CDK20: variants seen among roughly 807,000 people sequenced by gnomAD.
CDK20 encodes the protein cyclin-dependent kinase 20.
A neutral mutation model predicts 38.6 loss-of-function variants in CDK20; 40 were observed. The observed-to-expected ratio is 1.04, with a 90% CI of 0.81 to 1.35. The LOEUF (loss-of-function observed/expected upper bound fraction) is 1.35. CDK20 is among the 40% of genes most tolerant of loss of function. The pLI is 0.00. For missense variants in CDK20, 512 were observed against 452.6 expected, an observed-to-expected ratio of 1.13 and a Z score of -1.19; for synonymous variants, 209 against 185.7, an observed-to-expected ratio of 1.13 and a Z score of -1.02.
At chr9:87,973,036 A>C (rs1587628405) in intron 2 of CDK20, among the ~76,000 whole-genome samples, 1 of 152,316 alleles carries the variant, frequency 6.6e-6, no homozygotes, top group South Asian at 2.1e-4. Flanking sequence ...GGCACACACA[A>C]ATACACATTC....
In CDK20 at chr9:87,969,849, G is replaced by A. The variant is rs753715827; in HGVS notation, c.634C>T (p.Gln212Ter). 10 of 1,611,606 alleles carry A rather than the reference G, an allele frequency of 6.2e-6. No homozygotes were observed. The highest frequency in any genetic ancestry group is 1.7e-5 in the Admixed American group (1 of 59,656). The change falls in exon 6 of 8, where the codon CAG (glutamine) becomes TAG (stop). Residue 212 changes from glutamine (Q) to a stop codon, truncating the protein, a stop_gained. Coordinates refer to ENST00000325303, the MANE Select transcript of CDK20 (RefSeq NM_001039803.3). LOFTEE classifies it high-confidence loss of function. Reference protein sequence around the residue: ...PLFPGKNDIEQLCYVLRILGT... With the variant: ...PLFPGKNDIE ...AAGATGCGAAGCACATAGCAAAGCT[G>A]TTCAATATCGTTCTTGCCCGGGAAA...
At position 87,970,835 on chromosome 9, in the gene CDK20, G is replaced by A; in HGVS notation, c.441C>T (p.Gly147=). Reference sequence around the variant, plus strand: ...CGTCTGGGGAAAAGACTCGAGCCAGGCCAAAGTCCGCTATCTTGAGCTGGC... The same window carrying A: ...CGTCTGGGGAAAAGACTCGAGCCAGACCAAAGTCCGCTATCTTGAGCTGGC... ...ASGQLKIADF[G]LARVFSPDGS... is the part of the protein sequence containing the mutation. The change falls in exon 4 of 8, where the codon GGC becomes GGT. Residue 147 remains glycine (G), a synonymous_variant. Transcript: ENST00000325303. The A allele has an allele frequency of 1.2e-6, 2 of 1,614,200 alleles. No homozygotes were observed. The highest frequency in any genetic ancestry group is 1.7e-6 in the Non-Finnish European group (2 of 1,180,040).
At position 87,969,320 on chromosome 9, in the gene CDK20, C is replaced by T. The variant is rs753853722; in HGVS notation, c.717G>A (p.Lys239=). Residue 239 remains lysine (K), a synonymous_variant, in exon 7 of 8, where the codon AAG becomes AAA. Coordinates refer to ENST00000325303, the MANE Select transcript of CDK20 (RefSeq NM_001039803.3). ...PELTELPDYN[K]ISFKEQVPMP... ...TGGGCACCTGCTCCTTAAAGGAGATCTTGTTGTAGTCCGGCAGCTCAGTGA... is the reference window on the plus strand; with the variant it reads ...TGGGCACCTGCTCCTTAAAGGAGATTTTGTTGTAGTCCGGCAGCTCAGTGA... The T allele has an allele frequency of 2.4e-5, 39 of 1,613,904 alleles. No homozygotes were observed. Among genetic ancestry groups the T allele is most frequent in the Non-Finnish European group, 3.1e-5 (36 of 1,179,986 alleles).
chr9:87,969,693 G>T (rs942206648), intron 6 of CDK20, 103 bp downstream of exon 6: 4 of 1,538,024 alleles, frequency 2.6e-6, no homozygotes, highest in Non-Finnish European at 3.5e-6. Context: ...ATCAAGGGGG[G>T]TTGGGGCCAG....
In CDK20 at chr9:87,967,282, C is replaced by A. The variant is rs543977316; in HGVS notation, c.*180G>T. The stretch of plus-strand genomic sequence containing the variant: ...CTGCTCGACTGGATGTTCTCATACT[C>A]TTGGCTGGGAACATGACCTCTGCCT... On this transcript the variant is annotated 3_prime_UTR_variant, in exon 8 of 8. Transcript: ENST00000325303. 2 of 718,016 alleles carry A rather than the reference C, an allele frequency of 2.8e-6. No individual in the cohort carries two copies. The highest frequency in any genetic ancestry group is 2.5e-6 in the Non-Finnish European group (1 of 398,026). The allele number at this position is 718,016 out of a possible 1,614,324, so 44.5% of individuals were successfully genotyped here. A position where few individuals can be genotyped will look rare whatever the true frequency, so the allele number is the denominator to read the frequency against.
intron 7 of CDK20, 153 bp downstream of exon 7, chr9:87,969,041 G>T: frequency 2.4e-6 from 2 of 846,634 alleles, no homozygotes; most frequent in Non-Finnish European, 1.8e-6. Flanking sequence ...CAAGGCCCCT[G>T]TCCCCTGGGT....
chr9:87,969,294 A>G lies in CDK20; in HGVS notation c.743T>C (p.Met248Thr), dbSNP rs1279989830. The G allele has an allele frequency of 5.6e-6, 9 of 1,613,940 alleles. No individual in the cohort carries two copies. The highest frequency in any genetic ancestry group is 4.5e-5 in the East Asian group (2 of 44,884). ...NKISFKEQVP[M>T]PLEEVLPDVS... is the part of the protein sequence containing the mutation. Reference sequence around the variant, plus strand: ...GTCAGGCAGCACCTCCTCCAGGGGCATGGGCACCTGCTCCTTAAAGGAGAT... The same window carrying G: ...GTCAGGCAGCACCTCCTCCAGGGGCGTGGGCACCTGCTCCTTAAAGGAGAT... Residue 248 changes from methionine (M) to threonine (T), a missense_variant, in exon 7 of 8, where the codon ATG becomes ACG. Physicochemically the swap from Met to Thr is moderately conservative, Grantham distance 81 (BLOSUM62 -1). Coordinates refer to ENST00000325303, the MANE Select transcript of CDK20 (RefSeq NM_001039803.3).
intron 2 of CDK20, among the ~76,000 whole-genome samples, chr9:87,973,258 C>T (rs987031932): frequency 1.3e-5 from 2 of 152,174 alleles, no homozygotes; most frequent in Non-Finnish European, 2.9e-5. Flanking sequence ...CTTCGTGTTC[C>T]AGCAGCCCCT....
Position 87,970,775 on chromosome 9 carries a change from C to T in CDK20, c.500+1G>A, listed in dbSNP as rs762456005. On this transcript the variant is annotated splice_donor_variant, in intron 4 of 7. Transcript: ENST00000325303. LOFTEE classifies it high-confidence loss of function. ...ACTGGAAGGGATCTGGCCCTCCCTA[C>T]CTGGTGGCCACCTGGTGTGTGTAGA... 18 of 1,614,022 alleles carry T rather than the reference C, an allele frequency of 1.1e-5. No individual in the cohort carries two copies. Among genetic ancestry groups the T allele is most frequent in the Non-Finnish European group, 7.6e-6 (9 of 1,180,004 alleles).
intron 2 of CDK20, among the ~76,000 whole-genome samples, chr9:87,973,135 T>C (rs1013369042): frequency 1.3e-5 from 2 of 152,172 alleles, no homozygotes; most frequent in Non-Finnish European, 2.9e-5. Context: ...TATCTCCAGA[T>C]CACAGAGACC....
chr9:87,974,341 CG>C, intron 1 of CDK20, 30 bp downstream of exon 1: 1 of 1,605,714 alleles, frequency 6.2e-7, no homozygotes, highest in Non-Finnish European at 8.5e-7. Context: ...GGCACACCCC[CG>C]CCAGGCTGCC....
At position 87,966,919 on chromosome 9, in the gene CDK20, C is replaced by A; in HGVS notation, c.*543G>T. ...AACGAGAGCCATGAGACAATGCCAC[C>A]TTAGCCATTTCCCTTGAGAGAAATG... On this transcript the variant is annotated 3_prime_UTR_variant, in exon 8 of 8. Coordinates refer to ENST00000325303, the MANE Select transcript of CDK20 (RefSeq NM_001039803.3). 1 of 397,054 alleles carries A rather than the reference C, an allele frequency of 2.5e-6. No homozygotes were observed. Among genetic ancestry groups the A allele is most frequent in the Non-Finnish European group, 5.1e-6 (1 of 197,210 alleles). The allele number at this position is 397,054 out of a possible 1,614,324, so 24.6% of individuals were successfully genotyped here.
rs377279902 is a variant in CDK20 at position 87,974,421 on chromosome 9, C to T, written c.26G>A (p.Arg9His). 3.0e-5 allele frequency: 49 copies of T among 1,612,646 alleles called. No individual in the cohort carries two copies. Among genetic ancestry groups the T allele is most frequent in the Non-Finnish European group, 6.8e-6 (8 of 1,179,934 alleles). Residue 9 changes from arginine to histidine, a missense_variant, in exon 1 of 8, where the codon CGC (arginine) becomes CAC (histidine). Arg to His is a conservative substitution (Grantham distance 29). Coordinates refer to ENST00000325303, the MANE Select transcript of CDK20 (RefSeq NM_001039803.3). ...GATGCCGTGGGCGCCCTCCCCGATG[C>T]GGCCCAGGATGCAGTACTGGTCCAT... MDQYCILG[R>H]IGEGAHGIVF...
chr9:87,967,445 G>GGA lies in CDK20; in HGVS notation c.*15_*16dup, dbSNP rs781077197. On this transcript the variant is annotated 3_prime_UTR_variant, in exon 8 of 8. Transcript: ENST00000325303. ...AGTGGTCCTGAGGAGCAGGCAGACG[G>GGA]GACCAGGGCCAACTTCTCACCCCTC... 26 of 1,552,314 alleles carry GGA rather than the reference G, an allele frequency of 1.7e-5. 2 individuals are homozygous for GGA. In the South Asian group the frequency reaches 2.9e-4, roughly 17 times the overall value.
chr9:87,972,170 ACT>A (rs1829908212), intron 2 of CDK20, among the ~76,000 whole-genome samples: 1 of 152,018 alleles, frequency 6.6e-6, no homozygotes, highest in South Asian at 2.1e-4. Context: ...GCACTTCTAC[ACT>A]CCAGCCTGGG....
chr9:87,971,025 C>T (rs1206503221), intron 3 of CDK20, 122 bp downstream of exon 3: 1 of 1,499,706 alleles, frequency 6.7e-7, no homozygotes, highest in African/African-American at 1.4e-5. Flanking sequence ...GCCCTGGCCA[C>T]TTACCTGGAG....
At chr9:87,972,682 A>G (rs567709677) in intron 2 of CDK20, among the ~76,000 whole-genome samples, 1 of 152,186 alleles carries the variant, frequency 6.6e-6, no homozygotes, top group Non-Finnish European at 1.5e-5. Flanking sequence ...TGTCATTCTG[A>G]TGAGTGGTGA....
At position 87,974,050 on chromosome 9, in the gene CDK20, G is replaced by A. The variant is rs1830055949; in HGVS notation, c.76-15C>T. The A allele has an allele frequency of 2.5e-6, 4 of 1,613,958 alleles. No homozygotes were observed. Among genetic ancestry groups the A allele is most frequent in the Non-Finnish European group, 3.4e-6 (4 of 1,180,030 alleles). On this transcript the variant is annotated splice_polypyrimidine_tract_variant and intron_variant, in intron 1 of 7. Coordinates refer to ENST00000325303, the MANE Select transcript of CDK20 (RefSeq NM_001039803.3). ...ATCTCGCCAGTCTGCAGGATAGAAGGCAGACACTGCCAGCCCACCCTCGGC... is the reference window on the plus strand; with the variant it reads ...ATCTCGCCAGTCTGCAGGATAGAAGACAGACACTGCCAGCCCACCCTCGGC...
At chr9:87,974,297 A>T in intron 1 of CDK20, 75 bp downstream of exon 1, 2 of 1,483,968 alleles carry the variant, frequency 1.3e-6, no homozygotes, top group Admixed American at 3.7e-5. Flanking sequence ...AAGGGAACCG[A>T]AACAGTTTAG....
Sources: allele counts gnomAD v4.1 joint callset (sites outside exome capture counted in the v4.1 genomes callset), GRCh38; gene constraint gnomAD v4.1.1; transcripts MANE v1.5; gene names NCBI Gene and HGNC (gene_info 2026-07-23, HGNC 2026-07-21).